CTNNA3: variants seen among roughly 807,000 people sequenced by gnomAD.
The protein encoded by CTNNA3 is catenin alpha 3.
A neutral mutation model predicts 95.7 loss-of-function variants in CTNNA3; 76 were observed. That is an observed-to-expected ratio of 0.79 (90% confidence interval 0.66 to 0.96). CTNNA3 has a LOEUF of 0.96. Among genes scored for constraint, CTNNA3 ranks in the 40% least tolerant of loss-of-function variants. CTNNA3 has a pLI of 0.00. For missense variants in CTNNA3, 1,191 were observed against 1,089.8 expected (o/e 1.09, Z -1.31); for synonymous variants, 431 against 374.4 (o/e 1.15, Z -1.74).
At chr10:67,566,564 C>T (rs1276860068) in intron 3 of CTNNA3, among the ~76,000 whole-genome samples, 13 of 152,110 alleles carry the variant, frequency 8.5e-5, no homozygotes, top group African/African-American at 2.9e-4. Context: ...CAATTTTACA[C>T]TGTTGGTGGG....
At chr10:66,919,425 T>C (rs1846676389) in intron 7 of CTNNA3, among the ~76,000 whole-genome samples, 1 of 152,154 alleles carries the variant, frequency 6.6e-6, no homozygotes, top group South Asian at 2.1e-4. Flanking sequence ...TAGATTTCTG[T>C]ATTCCCATAT....
chr10:66,663,821 C>A (rs4745911), intron 9 of CTNNA3, among the ~76,000 whole-genome samples: 99,007 of 151,452 alleles, frequency 0.65, 33,154 homozygotes, highest in East Asian at 0.95. Context: ...GCAGAAACTT[C>A]TGCATACTTA....
chr10:66,879,182 C>T (rs141380956), intron 7 of CTNNA3, among the ~76,000 whole-genome samples: 1 of 152,172 alleles, frequency 6.6e-6, no homozygotes, highest in East Asian at 1.9e-4. Context: ...ACCTGTGTAG[C>T]CCCTTCCTAA....
chr10:67,613,302 C>T (rs906044222), intron 2 of CTNNA3, among the ~76,000 whole-genome samples: 2 of 151,714 alleles, frequency 1.3e-5, no homozygotes, highest in South Asian at 2.1e-4. Flanking sequence ...GGACAGGGGC[C>T]GTGCTTGACT....
rs77139736 is a variant in CTNNA3, at chr10:66,744,402, T to C, written c.1281+21862A>G. Among the ~76,000 whole-genome samples, 1,434 of 152,304 alleles carry C rather than the reference T, an allele frequency of 9.4e-3. 24 individuals are homozygous for C. The highest frequency in any genetic ancestry group is 0.033 in the African/African-American group (1,367 of 41,558). ...TTGTTTTAGTGTTAGAAGCACCTTA[T>C]AGATCATCAACTTCCATATTTTTAA... is the stretch of plus-strand genomic sequence containing the variant. On this transcript the variant is annotated intron_variant, in intron 9 of 17. Transcript: ENST00000433211.
chr10:66,603,646 A>C (rs1844011040), intron 10 of CTNNA3, among the ~76,000 whole-genome samples: 1 of 152,196 alleles, frequency 6.6e-6, no homozygotes, highest in Non-Finnish European at 1.5e-5. Context: ...TAAAAAATGC[A>C]AAGCTCGACA....
At chr10:66,575,155 G>T (rs61867463) in intron 10 of CTNNA3, among the ~76,000 whole-genome samples, 43,750 of 151,872 alleles carry the variant, frequency 0.29, 6,708 homozygotes, top group Middle Eastern at 0.42. Context: ...TCTTTTCTCC[G>T]GAAGAGAGGC....
chr10:67,724,338 A>G (rs1841196851), intron 1 of CTNNA3, among the ~76,000 whole-genome samples: 1 of 152,308 alleles, frequency 6.6e-6, no homozygotes, highest in East Asian at 1.9e-4. Flanking sequence ...AATCCCTGGT[A>G]TATGGTATCT....
At position 67,119,353 on chromosome 10, in the gene CTNNA3, T is replaced by C. The variant is rs1859351891; in HGVS notation, c.1047+60964A>G. 2.6e-5 allele frequency among the ~76,000 whole-genome samples: 4 copies of C among 151,940 alleles called. No homozygotes were observed. The South Asian group carries it at 8.3e-4, about 31-fold the overall frequency. On this transcript the variant is annotated intron_variant, in intron 7 of 17. Coordinates refer to ENST00000433211, the MANE Select transcript of CTNNA3 (RefSeq NM_013266.4). Reference sequence around the variant, plus strand: ...GGAAACTCAGACGTTAACCATTGTTTGAGCTATACATCTTCTCTACATCAC... The same window carrying C: ...GGAAACTCAGACGTTAACCATTGTTCGAGCTATACATCTTCTCTACATCAC...
chr10:67,119,452 G>T (rs1036585455), intron 7 of CTNNA3, among the ~76,000 whole-genome samples: 1 of 151,784 alleles, frequency 6.6e-6, no homozygotes, highest in African/African-American at 2.4e-5. Flanking sequence ...GACTTGCAGC[G>T]AAAAGCAAAT....
chr10:66,057,307 C>T lies in CTNNA3; in HGVS notation c.2159+12001G>A, dbSNP rs543633269. ...CACCTAAAATCTCTGAAGATTCACA[C>T]GATACAGAACCGGTCTGCCACTTAG... On this transcript the variant is annotated intron_variant, in intron 15 of 17. Transcript: ENST00000433211. 9.3e-4 allele frequency among the ~76,000 whole-genome samples: 142 copies of T among 152,216 alleles called. 2 individuals are homozygous for T. Among genetic ancestry groups the T allele is most frequent in the African/African-American group, 3.2e-3 (131 of 41,544 alleles).
chr10:67,726,451 T>A (rs1362230509), intron 1 of CTNNA3, among the ~76,000 whole-genome samples: 1 of 59,854 alleles, frequency 1.7e-5, no homozygotes, highest in Non-Finnish European at 2.8e-5. Context: ...TATATAATAT[T>A]ATATATGATA....
chr10:66,118,277 C>T (rs2082423833), intron 13 of CTNNA3: 1 of 152,046 alleles, frequency 6.6e-6, no homozygotes, highest in African/African-American at 2.4e-5. Context: ...GTTACTACTC[C>T]CTTTGGATTT....
intron 7 of CTNNA3, among the ~76,000 whole-genome samples, chr10:67,033,049 G>T (rs1275482894): frequency 1.3e-5 from 2 of 152,044 alleles, no homozygotes; most frequent in Non-Finnish European, 2.9e-5. Flanking sequence ...AAGGAACAAA[G>T]ATAACAGCTA....
intron 17 of CTNNA3, among the ~76,000 whole-genome samples, chr10:65,929,306 G>A (rs1016923418): frequency 6.6e-6 from 1 of 151,982 alleles, no homozygotes; most frequent in African/African-American, 2.4e-5. Flanking sequence ...CTAACTTCTT[G>A]AGAAATATGT....
intron 15 of CTNNA3, among the ~76,000 whole-genome samples, chr10:65,990,997 A>T (rs1178024135): frequency 6.6e-6 from 1 of 152,106 alleles, no homozygotes; most frequent in Non-Finnish European, 1.5e-5. Flanking sequence ...CTGTTTTCCC[A>T]GCACCATTTA....
chr10:66,673,830 ACTGT>A (rs562584543), intron 9 of CTNNA3, among the ~76,000 whole-genome samples: 34 of 152,134 alleles, frequency 2.2e-4, no homozygotes, highest in African/African-American at 4.3e-4. Flanking sequence ...TTCTGAGCAC[ACTGT>A]CTGGCAAATT....
chr10:66,277,704 G>C (rs1221661154), intron 13 of CTNNA3, among the ~76,000 whole-genome samples: 1 of 152,038 alleles, frequency 6.6e-6, no homozygotes, highest in Non-Finnish European at 1.5e-5. Context: ...GCTGCTTAGG[G>C]AACTGGGGGT....
intron 5 of CTNNA3, among the ~76,000 whole-genome samples, chr10:67,456,405 C>T (rs1847173513): frequency 6.6e-6 from 1 of 152,104 alleles, no homozygotes; most frequent in African/African-American, 2.4e-5. Flanking sequence ...CTTGTCCTCC[C>T]TTTTTCTGAT....
Sources: gnomAD v4.1 joint callset for allele counts (sites outside exome capture counted in the v4.1 genomes callset) on GRCh38, gnomAD v4.1.1 for gene constraint, MANE v1.5 for transcripts, NCBI Gene and HGNC (gene_info 2026-07-23, HGNC 2026-07-21) for gene names.